The following NAALADL2 variants were observed in gnomAD, a reference collection of about 807,000 sequenced individuals.
The protein encoded by NAALADL2 is N-acetylated alpha-linked acidic dipeptidase like 2, also known as inactive N-acetylated-alpha-linked acidic dipeptidase-like protein 2.
Under a neutral mutation model 87.2 loss-of-function variants are expected in NAALADL2, and 76 were observed. That is an observed-to-expected ratio of 0.87 (90% confidence interval 0.72 to 1.05). NAALADL2 has a LOEUF of 1.05. Ranked by LOEUF, NAALADL2 falls within the 50% of genes least tolerant of loss-of-function variation. The pLI is 0.00. For missense variants in NAALADL2, 1,089 were observed against 945.8 expected (o/e 1.15, Z -1.99); for synonymous variants, 354 against 331.0 (o/e 1.07, Z -0.75).
intron 11 of NAALADL2, among the ~76,000 whole-genome samples, chr3:175,700,797 A>G (rs192912398): frequency 6.6e-6 from 1 of 152,246 alleles, no homozygotes; most frequent in East Asian, 1.9e-4. Context: ...ATTATAACTG[A>G]TCAATATTCT....
At chr3:174,607,154 C>T (rs1719174796) in intron 2 of NAALADL2, among the ~76,000 whole-genome samples, 1 of 151,962 alleles carries the variant, frequency 6.6e-6, no homozygotes, top group African/African-American at 2.4e-5. Flanking sequence ...CCTAAAAGAG[C>T]TCCTGAAGTA....
chr3:175,186,522 G>A (rs1737358153), intron 2 of NAALADL2, among the ~76,000 whole-genome samples: 1 of 152,072 alleles, frequency 6.6e-6, no homozygotes, highest in Non-Finnish European at 1.5e-5. Context: ...TTAGAAAGTA[G>A]CGACTATCCA....
intron 1 of NAALADL2, among the ~76,000 whole-genome samples, chr3:174,965,230 A>G (rs1256687983): frequency 2.0e-5 from 3 of 152,110 alleles, no homozygotes; most frequent in African/African-American, 7.2e-5. Flanking sequence ...GGGAGGCCAC[A>G]ATTCCTTGCA....
At chr3:174,501,396 G>A (rs1037560032) in intron 1 of NAALADL2, among the ~76,000 whole-genome samples, 4 of 152,190 alleles carry the variant, frequency 2.6e-5, no homozygotes, top group South Asian at 4.1e-4. Context: ...CTTATACTAA[G>A]ATAGTAGTAG....
upstream of NAALADL2, among the ~76,000 whole-genome samples, chr3:174,855,087 C>T (rs2109499179): frequency 6.6e-6 from 1 of 152,166 alleles, no homozygotes; most frequent in Non-Finnish European, 1.5e-5. Flanking sequence ...GATCCGCCCG[C>T]CTTGGCCTCC....
At chr3:174,659,031 T>C (rs934605031) in intron 2 of NAALADL2, among the ~76,000 whole-genome samples, 2 of 152,206 alleles carry the variant, frequency 1.3e-5, no homozygotes, top group South Asian at 4.1e-4. Flanking sequence ...TGTATACAGT[T>C]ATTTGTGTAG....
chr3:174,832,793 T>C (rs572304531), intron 3 of NAALADL2, among the ~76,000 whole-genome samples: 1 of 152,282 alleles, frequency 6.6e-6, no homozygotes, highest in South Asian at 2.1e-4. Context: ...AAAGAAAGAA[T>C]TGAAGCTTAG....
chr3:175,784,810 G>C (rs1489445746), intron 13 of NAALADL2, among the ~76,000 whole-genome samples: 1 of 65,306 alleles, frequency 1.5e-5, no homozygotes. Context: ...TGTCAATTTT[G>C]GATCTTTCCT....
chr3:174,710,219 A>G (rs1372570924), intron 2 of NAALADL2, among the ~76,000 whole-genome samples: 2 of 148,466 alleles, frequency 1.3e-5, no homozygotes, highest in Non-Finnish European at 3.0e-5. Flanking sequence ...TCAACTAGTC[A>G]TATGAGCCTC....
At chr3:175,077,709 C>T (rs1321365073) in intron 1 of NAALADL2, among the ~76,000 whole-genome samples, 4 of 152,010 alleles carry the variant, frequency 2.6e-5, no homozygotes, top group Non-Finnish European at 5.9e-5. Flanking sequence ...GAGGCAGCTG[C>T]TCTTTTAAAA....
intron 1 of NAALADL2, among the ~76,000 whole-genome samples, chr3:175,018,097 A>G (rs1340277825): frequency 1.3e-5 from 2 of 152,202 alleles, no homozygotes; most frequent in Admixed American, 6.6e-5. Flanking sequence ...CAAAATATCA[A>G]TCATTGTAAA....
intron 9 of NAALADL2, among the ~76,000 whole-genome samples, chr3:175,553,039 A>G (rs1714683393): frequency 6.6e-6 from 1 of 152,104 alleles, no homozygotes; most frequent in Non-Finnish European, 1.5e-5. Flanking sequence ...TTTGCCTTTC[A>G]GTATACTCAG....
chr3:175,453,314 G>A (rs897578458), intron 6 of NAALADL2, among the ~76,000 whole-genome samples: 1 of 151,998 alleles, frequency 6.6e-6, no homozygotes, highest in African/African-American at 2.4e-5. Context: ...AAACTTGCAC[G>A]GATTCCTCAC....
At chr3:175,720,520 A>G (rs1259261908) in intron 11 of NAALADL2, among the ~76,000 whole-genome samples, 8 of 152,114 alleles carry the variant, frequency 5.3e-5, no homozygotes, top group Non-Finnish European at 1.2e-4. Flanking sequence ...AAATTCCAGA[A>G]TAAGAGACTG....
At chr3:175,295,610 C>T (rs1756218780) in intron 4 of NAALADL2, among the ~76,000 whole-genome samples, 1 of 151,988 alleles carries the variant, frequency 6.6e-6, no homozygotes, top group South Asian at 2.1e-4. Flanking sequence ...TGGCTCTAGT[C>T]TTCTTTCATT....
chr3:174,975,282 T>C (rs945675774), intron 1 of NAALADL2, among the ~76,000 whole-genome samples: 1 of 152,194 alleles, frequency 6.6e-6, no homozygotes, highest in Non-Finnish European at 1.5e-5. Flanking sequence ...ACTATGATAG[T>C]AATTATGTTA....
intron 1 of NAALADL2, among the ~76,000 whole-genome samples, chr3:174,971,296 A>G (rs892054515): frequency 6.6e-6 from 1 of 152,202 alleles, no homozygotes; most frequent in Non-Finnish European, 1.5e-5. Context: ...TCCAGAAGAT[A>G]TTGTGGATTG....
intron 1 of NAALADL2, chr3:175,059,586 C>T (rs531291495): frequency 2.8e-5 from 9 of 324,640 alleles, no homozygotes; most frequent in African/African-American, 8.9e-5. Context: ...GCCACATCAT[C>T]CCACGGTTTC....
chr3:174,613,975 C>A (rs1720195984), intron 2 of NAALADL2, among the ~76,000 whole-genome samples: 1 of 152,124 alleles, frequency 6.6e-6, no homozygotes, highest in African/African-American at 2.4e-5. Flanking sequence ...CTAGAAATGT[C>A]ATGTGGGAGT....
Sources: gnomAD v4.1 joint callset for allele counts (sites outside exome capture counted in the v4.1 genomes callset) on GRCh38, gnomAD v4.1.1 for gene constraint, MANE v1.5 for transcripts, NCBI Gene and HGNC (gene_info 2026-07-23, HGNC 2026-07-21) for gene names.